The following EXOSC10 variants were observed in gnomAD, a reference collection of about 807,000 sequenced individuals.
EXOSC10 encodes exosome component 10, also known as exosome complex component 10.
In EXOSC10, 94 loss-of-function variants were observed where a neutral mutation model predicts 126.6. The ratio of observed to expected loss-of-function variants is 0.74; its 90% CI spans 0.63 to 0.88. EXOSC10 has a LOEUF of 0.88. EXOSC10 is among the 40% of genes least tolerant of loss of function. EXOSC10 has a pLI of 0.00. For synonymous variants in EXOSC10, 395 were observed against 400.8 expected (o/e 0.99, Z 0.17); for missense variants, 1,041 against 1,100.5 (o/e 0.95, Z 0.77).
intron 2 of EXOSC10, among the ~76,000 whole-genome samples, chr1:11,096,352 C>T (rs916140071): frequency 2.6e-5 from 4 of 151,432 alleles, no homozygotes; most frequent in Admixed American, 6.6e-5. Flanking sequence ...CGTTTCACCA[C>T]GTTGGCCAGG....
At chr1:11,068,623 A>G in intron 23 of EXOSC10, 22 bp downstream of exon 23, 1 of 1,609,008 alleles carries the variant, frequency 6.2e-7, no homozygotes. Context: ...GCGTGCTAAA[A>G]TCCTCCAGGA....
chr1:11,077,060 C>T (rs1454276005), intron 16 of EXOSC10, 112 bp from the exon 17 acceptor site: 11 of 765,556 alleles, frequency 1.4e-5, no homozygotes, highest in South Asian at 3.2e-5. Flanking sequence ...GGCACAATCT[C>T]GGCTCACTGC....
intron 3 of EXOSC10, 123 bp downstream of exon 3, chr1:11,095,635 A>T (rs1158267085): frequency 1.3e-6 from 1 of 792,520 alleles, no homozygotes. Context: ...AGTGTTGTGA[A>T]CCCGGGAGGC....
At chr1:11,072,364 A>C (rs1294630008) in intron 19 of EXOSC10, 193 bp from the exon 20 acceptor site, 2 of 532,700 alleles carry the variant, frequency 3.8e-6, no homozygotes, top group Admixed American at 3.4e-5. Flanking sequence ...ATTAAGGACA[A>C]AGTGCTACTG....
intron 10 of EXOSC10, among the ~76,000 whole-genome samples, chr1:11,081,498 G>A (rs1401344110): frequency 6.6e-6 from 1 of 152,240 alleles, no homozygotes; most frequent in Non-Finnish European, 1.5e-5. Context: ...ACAAGAGGCA[G>A]TAGAAAAGGG....
In EXOSC10 at chr1:11,074,272, CT is replaced by C; in HGVS notation, c.2040del (p.Ala681ProfsTer93). The C allele has an allele frequency of 1.2e-6, 2 of 1,614,150 alleles. No individual in the cohort carries two copies. Among genetic ancestry groups the C allele is most frequent in the Non-Finnish European group, 1.7e-6 (2 of 1,180,006 alleles). On this transcript the variant is annotated frameshift_variant, in exon 18 of 25. Transcript: ENST00000376936. LOFTEE classifies it high-confidence loss of function. The part of the protein sequence containing the change: ...KKGPLTVAQK[K>X]AQNIMESFEN... The stretch of plus-strand genomic sequence containing the variant: ...TCAAAGGACTCCATGATGTTCTGGG[CT>C]TTTTTCTGTGCAACTGTCAATGGAC...
rs776619142 is a variant in EXOSC10, at chr1:11,081,068, C to A, written c.1437+14G>T. 5.0e-6 allele frequency: 8 copies of A among 1,613,366 alleles called. No individual in the cohort carries two copies. Among genetic ancestry groups the A allele is most frequent in the Non-Finnish European group, 6.8e-6 (8 of 1,179,582 alleles). ...CCAAGTGTCGCGGTCTGTGTGACTGCGGCTGAGGTGTACCTTGAGGCAGAT... is the reference window on the plus strand; with the variant it reads ...CCAAGTGTCGCGGTCTGTGTGACTGAGGCTGAGGTGTACCTTGAGGCAGAT... On this transcript the variant is annotated intron_variant, in intron 11 of 24. Transcript: ENST00000376936.
intron 14 of EXOSC10, 67 bp from the exon 15 acceptor site, chr1:11,077,718 C>G: frequency 1.4e-6 from 2 of 1,420,496 alleles, no homozygotes; most frequent in Non-Finnish European, 1.9e-6. Flanking sequence ...CCCCAGTCTC[C>G]AGCGCTGACT....
Position 11,080,911 on chromosome 1 carries a change from T to C in EXOSC10, c.1439A>G (p.Lys480Arg). ...WQRSRDICLK[K>R]FIKPIFTDES... ...ATCCGTGAAGATAGGTTTGATGAAT[T>C]TCTACAAAGTATTAGAGAACATTCA... Residue 480 changes from lysine (K) to arginine (R), a missense_variant and splice_region_variant, in exon 12 of 25, where the codon AAA becomes AGA. By Grantham distance (26) the Lys-to-Arg change is conservative. Around this residue, in one of 3 missense-constraint regions of EXOSC10, gnomAD observed 645 missense variants for 656.3 expected, o/e 0.98. Coordinates refer to ENST00000376936, the MANE Select transcript of EXOSC10 (RefSeq NM_001001998.3). The C allele has an allele frequency of 1.2e-6, 2 of 1,603,794 alleles. No individual in the cohort carries two copies. The highest frequency in any genetic ancestry group is 1.7e-6 in the Non-Finnish European group (2 of 1,176,456).
intron 14 of EXOSC10, among the ~76,000 whole-genome samples, chr1:11,078,264 C>CATTTTTTTTTTTTTTTTT: frequency 7.0e-6 from 1 of 143,726 alleles, no homozygotes; most frequent in East Asian, 2.1e-4. Context: ...GACCCTGTTT[C>CATTTTTTTTTTTTTTTTT]TTTTTTTTTT....
At chr1:11,067,222 G>A (rs113751130) in intron 24 of EXOSC10, among the ~76,000 whole-genome samples, 4,028 of 152,268 alleles carry the variant, frequency 0.026, 175 homozygotes, top group African/African-American at 0.089. Context: ...ACAAGGTCAG[G>A]AGATCGAGAC....
At position 11,066,697 on chromosome 1, in the gene EXOSC10, G is replaced by A; in HGVS notation, c.*21C>T. On this transcript the variant is annotated 3_prime_UTR_variant, in exon 25 of 25. Coordinates refer to ENST00000376936, the MANE Select transcript of EXOSC10 (RefSeq NM_001001998.3). ...CAGCATTTGGTGCTTCCGGTCCACA[G>A]GCGCCACGTGTCTTCCAGGACTATC... is the stretch of plus-strand genomic sequence containing the variant. 6.2e-7 allele frequency: 1 copy of A among 1,614,058 alleles called. No individual in the cohort carries two copies. Among genetic ancestry groups the A allele is most frequent in the Non-Finnish European group, 8.5e-7 (1 of 1,179,882 alleles).
rs1639877166 is a variant in EXOSC10, at chr1:11,077,366, A to G, written c.1878T>C (p.Ser626=). The G allele has an allele frequency of 3.1e-6, 5 of 1,609,196 alleles. No individual in the cohort carries two copies. Among genetic ancestry groups the G allele is most frequent in the Admixed American group, 1.7e-5 (1 of 59,910 alleles). The change falls in exon 16 of 25, where the codon AGT becomes AGC. Residue 626 remains serine, a splice_region_variant and synonymous_variant. Coordinates refer to ENST00000376936, the MANE Select transcript of EXOSC10 (RefSeq NM_001001998.3). ...AGTCAGGAGGGCTCTCGACTTTACC[A>G]CTGGTTGGGATGATTGGATAGCCAT... ...PPDGYPIIPT[S]GSVPVQKQAS... is the part of the protein sequence containing the mutation.
At chr1:11,087,423 C>A (rs762809625) in intron 9 of EXOSC10, 25 bp downstream of exon 9, 1 of 1,613,704 alleles carries the variant, frequency 6.2e-7, no homozygotes, top group Non-Finnish European at 8.5e-7. Context: ...AGCTCACATG[C>A]ATGAGTTACA....
chr1:11,070,849 CA>C, intron 21 of EXOSC10, 50 bp downstream of exon 21: 1 of 1,523,832 alleles, frequency 6.6e-7, no homozygotes, highest in South Asian at 1.2e-5. Flanking sequence ...ATCCTGACCA[CA>C]AGCAGGGGCA....
At chr1:11,090,287 C>G (rs116678187) in intron 6 of EXOSC10, among the ~76,000 whole-genome samples, 10 of 152,168 alleles carry the variant, frequency 6.6e-5, no homozygotes, top group Non-Finnish European at 1.3e-4. Flanking sequence ...CGTAAGCCAC[C>G]GCGCCCAGCC....
chr1:11,098,955 G>A (rs1018036738), intron 1 of EXOSC10, among the ~76,000 whole-genome samples: 1 of 152,214 alleles, frequency 6.6e-6, no homozygotes, highest in Non-Finnish European at 1.5e-5. Context: ...TAGCTTATGA[G>A]CATGACCGCC....
chr1:11,075,142 C>T (rs892842548), intron 17 of EXOSC10, among the ~76,000 whole-genome samples: 2 of 152,118 alleles, frequency 1.3e-5, no homozygotes, highest in Admixed American at 6.6e-5. Flanking sequence ...AAGTGATTCT[C>T]CTGCCTCAGC....
intron 15 of EXOSC10, 41 bp downstream of exon 15, chr1:11,077,560 C>T (rs1639887568): frequency 2.5e-6 from 4 of 1,611,784 alleles, no homozygotes; most frequent in Non-Finnish European, 3.4e-6. Flanking sequence ...TGTGACTTGA[C>T]GTTTTCCCTC....
Sources: allele counts gnomAD v4.1 joint callset (sites outside exome capture counted in the v4.1 genomes callset), GRCh38; gene constraint gnomAD v4.1.1; regional missense constraint gnomAD v4.1.1; transcripts MANE v1.5; gene names NCBI Gene and HGNC (gene_info 2026-07-23, HGNC 2026-07-21).